Variants in TMEM39B observed in about 807,000 individuals in gnomAD.
TMEM39B encodes transmembrane protein 39B.
A neutral mutation model predicts 52.2 loss-of-function variants in TMEM39B; 23 were observed. That is an observed-to-expected ratio of 0.44 (90% confidence interval 0.32 to 0.62). The LOEUF (loss-of-function observed/expected upper bound fraction) is 0.62. Among genes scored for constraint, TMEM39B ranks in the 20% least tolerant of loss-of-function variants. TMEM39B has a pLI of 0.06. For missense variants in TMEM39B, 547 were observed against 642.0 expected (o/e 0.85, Z 1.60); for synonymous variants, 285 against 264.0 (o/e 1.08, Z -0.77).
At chr1:32,076,296 A>T (rs1639857731) in intron 3 of TMEM39B, 1 of 267,780 alleles carries the variant, frequency 3.7e-6, no homozygotes, top group Non-Finnish European at 7.5e-6. Context: ...TTTTTAGTGG[A>T]GACAGGGTTT....
chr1:32,098,348 G>T (rs1466919881), intron 7 of TMEM39B, among the ~76,000 whole-genome samples: 1 of 152,034 alleles, frequency 6.6e-6, no homozygotes, highest in African/African-American at 2.4e-5. Flanking sequence ...CAAGAGCATT[G>T]GGTTGAGAAG....
At chr1:32,090,910 G>T (rs1360263786) in intron 5 of TMEM39B, among the ~76,000 whole-genome samples, 1 of 152,148 alleles carries the variant, frequency 6.6e-6, no homozygotes, top group East Asian at 1.9e-4. Flanking sequence ...AAAGTGCTGG[G>T]ATTACAGGCG....
At chr1:32,073,882 G>A (rs912436733) in intron 1 of TMEM39B, 5 of 985,272 alleles carry the variant, frequency 5.1e-6, no homozygotes, top group Non-Finnish European at 6.0e-6. Context: ...GGTATGAACA[G>A]GTTATAACTT....
intron 5 of TMEM39B, among the ~76,000 whole-genome samples, chr1:32,082,850 C>T (rs1454515599): frequency 6.6e-6 from 1 of 151,974 alleles, no homozygotes; most frequent in Non-Finnish European, 1.5e-5. Flanking sequence ...TCTCAACTCA[C>T]TGCAAGCTCT....
intron 7 of TMEM39B, among the ~76,000 whole-genome samples, chr1:32,097,125 A>G (rs951830028): frequency 1.3e-5 from 2 of 152,030 alleles, no homozygotes; most frequent in African/African-American, 4.8e-5. Context: ...AAAGGGTACA[A>G]TTCTTTCAGT....
intron 7 of TMEM39B, among the ~76,000 whole-genome samples, chr1:32,096,836 A>C (rs1356793784): frequency 2.9e-5 from 4 of 137,330 alleles, no homozygotes; most frequent in Non-Finnish European, 6.3e-5. Context: ...ACAAGGTCCC[A>C]CTCTGTCTCC....
chr1:32,096,661 A>G (rs1200777537), intron 7 of TMEM39B, among the ~76,000 whole-genome samples: 1 of 151,836 alleles, frequency 6.6e-6, no homozygotes, highest in Non-Finnish European at 1.5e-5. Context: ...GGGTTTCACC[A>G]TGTTAGCGAG....
chr1:32,077,718 G>T (rs1358138400), intron 5 of TMEM39B, among the ~76,000 whole-genome samples: 1 of 152,104 alleles, frequency 6.6e-6, no homozygotes, highest in Non-Finnish European at 1.5e-5. Flanking sequence ...CCCTGAGTCT[G>T]TGTGCCAGCA....
intron 5 of TMEM39B, among the ~76,000 whole-genome samples, chr1:32,084,396 G>A (rs1357666406): frequency 9.9e-5 from 15 of 152,072 alleles, no homozygotes; most frequent in Admixed American, 9.8e-4. Context: ...TGGACCCCCT[G>A]CTTCCTGAAT....
At chr1:32,075,870 G>GTGTGTA (rs1557909964) in intron 3 of TMEM39B, 48 bp downstream of exon 3, 3 of 1,209,968 alleles carry the variant, frequency 2.5e-6, no homozygotes, top group African/African-American at 1.5e-5. Flanking sequence ...GTGTGCGTGT[G>GTGTGTA]TGTGTATGTG....
At chr1:32,101,398 AT>A (rs936657063) in intron 8 of TMEM39B, among the ~76,000 whole-genome samples, 1 of 150,990 alleles carries the variant, frequency 6.6e-6, no homozygotes, top group African/African-American at 2.4e-5. Flanking sequence ...AGTGATCTCT[AT>A]TTTTTTTTAA....
chr1:32,087,319 CAAAA>C (rs1207083221), intron 5 of TMEM39B, among the ~76,000 whole-genome samples: 8 of 29,002 alleles, frequency 2.8e-4, no homozygotes, highest in Admixed American at 8.7e-4. Context: ...CTCCGTCTCA[CAAAA>C]AAAAAAAAAA....
rs192622517 is a variant in TMEM39B at position 32,081,239 on chromosome 1, A to G, written c.590+3921A>G. ...GTTTACAGACAGAGTCTGTAAACCT[A>G]TTATCCAGTTCTAAAGTGGCACTGC... On this transcript the variant is annotated intron_variant, in intron 5 of 8. Coordinates refer to ENST00000336294, the MANE Select transcript of TMEM39B (RefSeq NM_018056.4). Among the ~76,000 whole-genome samples the G allele has an allele frequency of 1.3e-3, 196 of 151,546 alleles. 1 individual carries two copies. Among genetic ancestry groups the G allele is most frequent in the Admixed American group, 3.0e-3 (46 of 15,228 alleles).
At chr1:32,075,476 G>A (rs1011062979) in intron 2 of TMEM39B, 127 bp from the exon 3 acceptor site, 2 of 964,820 alleles carry the variant, frequency 2.1e-6, no homozygotes, top group African/African-American at 1.6e-5. Flanking sequence ...TGACAAGCAG[G>A]ATTAGGAAGA....
chr1:32,077,579 AG>A (rs1357064449), intron 5 of TMEM39B, among the ~76,000 whole-genome samples: 1 of 152,162 alleles, frequency 6.6e-6, no homozygotes, highest in East Asian at 1.9e-4. Flanking sequence ...TATATCCCAA[AG>A]GAACATTCCC....
upstream of TMEM39B, among the ~76,000 whole-genome samples, chr1:32,072,636 G>A (rs1639687074): frequency 1.3e-5 from 2 of 152,306 alleles, no homozygotes; most frequent in Non-Finnish European, 2.9e-5. Flanking sequence ...AGGTGCCTGC[G>A]GACCGGTCAG....
At chr1:32,100,391 C>T in intron 7 of TMEM39B, 51 bp from the exon 8 acceptor site, 1 of 1,511,102 alleles carries the variant, frequency 6.6e-7, no homozygotes, top group Non-Finnish European at 8.8e-7. Flanking sequence ...TTCTGGTATC[C>T]CTTTTGTGGG....
chr1:32,083,469 C>G (rs1317295017), intron 5 of TMEM39B, among the ~76,000 whole-genome samples: 1 of 119,040 alleles, frequency 8.4e-6, no homozygotes, highest in Non-Finnish European at 1.6e-5. Context: ...GTTGCCCAGG[C>G]TGGAGTGGAA....
At chr1:32,098,121 C>T (rs1215564640) in intron 7 of TMEM39B, among the ~76,000 whole-genome samples, 3 of 151,890 alleles carry the variant, frequency 2.0e-5, no homozygotes, top group Admixed American at 6.6e-5. Flanking sequence ...CTCAGCTTCC[C>T]GAGTAGCTGG....
Sources: allele counts gnomAD v4.1 joint callset (sites outside exome capture counted in the v4.1 genomes callset), GRCh38; gene constraint gnomAD v4.1.1; transcripts MANE v1.5; gene names NCBI Gene and HGNC (gene_info 2026-07-23, HGNC 2026-07-21).